Variants in CNTN3 observed in about 807,000 individuals in gnomAD.
The protein encoded by CNTN3 is contactin 3.
A neutral mutation model predicts 119.1 loss-of-function variants in CNTN3; 60 were observed. The observed-to-expected ratio is 0.50, with a 90% CI of 0.41 to 0.62. The LOEUF (loss-of-function observed/expected upper bound fraction) is 0.62, where lower values mean the gene tolerates loss of function less well. Ranked by LOEUF, CNTN3 falls within the 20% of genes least tolerant of loss-of-function variation. The probability of loss-of-function intolerance (pLI) is 0.00; values close to 1 mark genes in which losing one functional copy is unlikely to be tolerated. For synonymous variants in CNTN3, 450 were observed against 438.7 expected (o/e 1.03, Z -0.32); for missense variants, 1,101 against 1,242.4 (o/e 0.89, Z 1.71).
chr3:74,612,921 A>G (rs960447908), intron 1 of CNTN3, among the ~76,000 whole-genome samples: 1 of 152,298 alleles, frequency 6.6e-6, no homozygotes, highest in African/African-American at 2.4e-5. Flanking sequence ...CATCTTACAA[A>G]TGTTGCACAA....
At chr3:74,288,785 A>T (rs6766107) in intron 19 of CNTN3, among the ~76,000 whole-genome samples, 5,639 of 152,204 alleles carry the variant, frequency 0.037, 305 homozygotes, top group African/African-American at 0.11. Flanking sequence ...GGCACCCAGG[A>T]TCCATGAACT....
chr3:74,457,877 G>A (rs531206982), intron 4 of CNTN3, among the ~76,000 whole-genome samples: 16 of 152,040 alleles, frequency 1.1e-4, no homozygotes, highest in African/African-American at 3.9e-4. Context: ...AGTTCTACAT[G>A]CCCCATGAAG....
At chr3:74,415,894 T>G (rs775722322) in intron 5 of CNTN3, among the ~76,000 whole-genome samples, 1 of 152,074 alleles carries the variant, frequency 6.6e-6, no homozygotes, top group African/African-American at 2.4e-5. Flanking sequence ...AATATCAAAC[T>G]CCCAGGAGAC....
rs879482123 is a variant in CNTN3 at position 74,280,218 on chromosome 3, C to T, written c.2704+5087G>A. 1.4e-4 allele frequency among the ~76,000 whole-genome samples: 22 copies of T among 152,218 alleles called. No individual in the cohort carries two copies. In the East Asian group the frequency reaches 4.1e-3, roughly 28 times the overall value. On this transcript the variant is annotated intron_variant, in intron 20 of 22. Transcript: ENST00000263665. The stretch of plus-strand genomic sequence containing the variant: ...AAAGCATACCTACTTGATTTCCTTA[C>T]ATTCAGGTAACTGATTTTGGCTCCA...
intron 16 of CNTN3, 70 bp from the exon 17 acceptor site, chr3:74,300,008 A>G: frequency 1.0e-6 from 1 of 981,480 alleles, no homozygotes; most frequent in Non-Finnish European, 1.5e-6. Context: ...AAGATAATGC[A>G]ATGTTTTTTT....
chr3:74,456,171 C>T (rs1702265330), intron 4 of CNTN3, among the ~76,000 whole-genome samples: 1 of 151,806 alleles, frequency 6.6e-6, no homozygotes, highest in African/African-American at 2.4e-5. Flanking sequence ...GGTGGGAAGA[C>T]ATCCTCTTTA....
chr3:74,348,327 T>C (rs1310843909), intron 11 of CNTN3, among the ~76,000 whole-genome samples: 1 of 152,206 alleles, frequency 6.6e-6, no homozygotes, highest in East Asian at 1.9e-4. Context: ...TAATTTTTAC[T>C]TGTCAAGTAT....
At chr3:74,518,238 C>A (rs1439591477) in intron 2 of CNTN3, among the ~76,000 whole-genome samples, 2 of 151,900 alleles carry the variant, frequency 1.3e-5, no homozygotes, top group Non-Finnish European at 2.9e-5. Context: ...GAACAAAATA[C>A]ACCAACAGTG....
intron 4 of CNTN3, among the ~76,000 whole-genome samples, chr3:74,478,685 C>G (rs1575765764): frequency 6.6e-6 from 1 of 152,246 alleles, no homozygotes; most frequent in African/African-American, 2.4e-5. Flanking sequence ...TCAGGCACAT[C>G]TAAGTTTCCA....
intron 22 of CNTN3, among the ~76,000 whole-genome samples, chr3:74,266,226 G>GA (rs930595109): frequency 2.0e-5 from 3 of 151,636 alleles, no homozygotes; most frequent in African/African-American, 4.8e-5. Flanking sequence ...TCAGAATAAG[G>GA]AAAAAAAATC....
At chr3:74,354,978 A>C (rs1703903631) in intron 11 of CNTN3, among the ~76,000 whole-genome samples, 1 of 152,126 alleles carries the variant, frequency 6.6e-6, no homozygotes, top group Non-Finnish European at 1.5e-5. Flanking sequence ...ACAATGGCTC[A>C]GCTACCATCT....
At chr3:74,480,768 A>T (rs537778165) in intron 4 of CNTN3, among the ~76,000 whole-genome samples, 1 of 151,996 alleles carries the variant, frequency 6.6e-6, no homozygotes, top group East Asian at 1.9e-4. Context: ...TTCAGCAAAA[A>T]TAGTATAGGG....
chr3:74,351,071 C>G (rs143474552), intron 11 of CNTN3, among the ~76,000 whole-genome samples: 36 of 152,274 alleles, frequency 2.4e-4, no homozygotes, highest in Middle Eastern at 3.4e-3. Flanking sequence ...CATTTGCCCT[C>G]TGAACCTACA....
chr3:74,298,603 A>G (rs1215401734), intron 17 of CNTN3, among the ~76,000 whole-genome samples: 5 of 145,976 alleles, frequency 3.4e-5, no homozygotes, highest in African/African-American at 1.3e-4. Context: ...TAAAACTGGA[A>G]AAAAAAAAAA....
chr3:74,481,757 T>C (rs1702768334), intron 4 of CNTN3, among the ~76,000 whole-genome samples: 1 of 151,604 alleles, frequency 6.6e-6, no homozygotes, highest in Non-Finnish European at 1.5e-5. Flanking sequence ...GAAAAATGAA[T>C]GAAACAGAGT....
chr3:74,401,516 G>GCACGCA (rs1553655554), intron 5 of CNTN3, among the ~76,000 whole-genome samples: 2 of 150,508 alleles, frequency 1.3e-5, no homozygotes, highest in African/African-American at 4.9e-5. Flanking sequence ...ACGCGCGCAC[G>GCACGCA]CACACACACA....
intron 13 of CNTN3, among the ~76,000 whole-genome samples, chr3:74,319,065 AAT>A (rs1487967425): frequency 6.6e-6 from 1 of 152,226 alleles, no homozygotes; most frequent in Non-Finnish European, 1.5e-5. Flanking sequence ...AGGAAGAATC[AAT>A]ATCGTTTAAA....
intron 3 of CNTN3, among the ~76,000 whole-genome samples, chr3:74,497,253 C>G (rs905040874): frequency 6.6e-6 from 1 of 151,772 alleles, no homozygotes. Context: ...TAGGAATAGG[C>G]AAGCATATTT....
At chr3:74,539,735 A>G (rs1703815224) in intron 1 of CNTN3, among the ~76,000 whole-genome samples, 2 of 152,162 alleles carry the variant, frequency 1.3e-5, no homozygotes, top group Admixed American at 1.3e-4. Context: ...TTGCTCCATT[A>G]AGGCTCTAAG....
Sources: allele counts gnomAD v4.1 joint callset (sites outside exome capture counted in the v4.1 genomes callset), GRCh38; gene constraint gnomAD v4.1.1; transcripts MANE v1.5; gene names NCBI Gene and HGNC (gene_info 2026-07-23, HGNC 2026-07-21).